EPHA6: variants seen among roughly 807,000 people sequenced by gnomAD.
EPHA6 encodes the protein EPH receptor A6, also known as ephrin type-A receptor 6.
In EPHA6, 50 loss-of-function variants were observed where a neutral mutation model predicts 112.0. The ratio of observed to expected loss-of-function variants is 0.45; its 90% confidence interval spans 0.36 to 0.56. EPHA6 has a LOEUF of 0.56. Among genes scored for constraint, EPHA6 ranks in the 20% least tolerant of loss-of-function variants. The pLI, the probability that EPHA6 is intolerant of heterozygous loss-of-function variation, is 0.00. For synonymous variants in EPHA6, 529 were observed against 490.7 expected, an observed-to-expected ratio of 1.08 and a Z score of -1.03; for missense variants, 1,280 against 1,417.4, an observed-to-expected ratio of 0.90 and a Z score of 1.56.
At chr3:97,611,570 G>T (rs948948835) in intron 13 of EPHA6, among the ~76,000 whole-genome samples, 7 of 151,556 alleles carry the variant, frequency 4.6e-5, no homozygotes, top group African/African-American at 1.7e-4. Flanking sequence ...CATTGATAGT[G>T]AAAAAAGTGA....
At chr3:97,515,492 G>T (rs1406517670) in intron 10 of EPHA6, among the ~76,000 whole-genome samples, 1 of 152,188 alleles carries the variant, frequency 6.6e-6, no homozygotes, top group Admixed American at 6.5e-5. Context: ...TCTGATGGAA[G>T]AAATGGAAAA....
intron 13 of EPHA6, among the ~76,000 whole-genome samples, chr3:97,618,940 A>G (rs2093789410): frequency 6.6e-6 from 1 of 152,004 alleles, no homozygotes; most frequent in Non-Finnish European, 1.5e-5. Flanking sequence ...TGATACCAAA[A>G]CCTGGCAGCA....
intron 5 of EPHA6, among the ~76,000 whole-genome samples, chr3:97,324,320 G>A (rs190263071): frequency 1.3e-5 from 2 of 151,890 alleles, no homozygotes; most frequent in Non-Finnish European, 2.9e-5. Flanking sequence ...AGTCTTTGGG[G>A]ACATATTTCT....
intron 3 of EPHA6, among the ~76,000 whole-genome samples, chr3:97,155,842 T>C (rs1379321597): frequency 1.3e-5 from 2 of 152,116 alleles, no homozygotes; most frequent in African/African-American, 2.4e-5. Context: ...AACTTGGAGT[T>C]TCTCAACTGC....
At chr3:96,889,110 T>C (rs2037805497) in intron 2 of EPHA6, among the ~76,000 whole-genome samples, 1 of 152,148 alleles carries the variant, frequency 6.6e-6, no homozygotes, top group Admixed American at 6.5e-5. Flanking sequence ...AGTTCCTCAT[T>C]TGCATCTGAG....
intron 10 of EPHA6, among the ~76,000 whole-genome samples, chr3:97,485,238 C>A (rs779683688): frequency 6.6e-6 from 1 of 152,150 alleles, no homozygotes; most frequent in Non-Finnish European, 1.5e-5. Context: ...AGTCCTTTTT[C>A]CTCCAGAAGG....
chr3:97,459,219 G>T (rs2090802675), intron 7 of EPHA6, among the ~76,000 whole-genome samples: 1 of 152,198 alleles, frequency 6.6e-6, no homozygotes, highest in Non-Finnish European at 1.5e-5. Flanking sequence ...CTGGAAGAAT[G>T]TCAGTATAGC....
chr3:97,187,177 AC>A (rs1272028561), intron 3 of EPHA6, among the ~76,000 whole-genome samples: 3 of 152,262 alleles, frequency 2.0e-5, no homozygotes, highest in Admixed American at 6.5e-5. Flanking sequence ...TTAATTCTGT[AC>A]ATACAGATTT....
At chr3:96,856,215 G>A (rs1006683571) in intron 1 of EPHA6, among the ~76,000 whole-genome samples, 7 of 151,952 alleles carry the variant, frequency 4.6e-5, no homozygotes, top group African/African-American at 1.5e-4. Context: ...ACATCAGCCT[G>A]GGTGACAGAG....
At chr3:97,321,557 C>T (rs764462498) in intron 5 of EPHA6, among the ~76,000 whole-genome samples, 1 of 151,952 alleles carries the variant, frequency 6.6e-6, no homozygotes, top group East Asian at 1.9e-4. Context: ...TTCCCCCTAC[C>T]CTTACTACCT....
chr3:97,570,903 A>C (rs998280898), intron 11 of EPHA6, among the ~76,000 whole-genome samples: 2 of 152,158 alleles, frequency 1.3e-5, no homozygotes, highest in East Asian at 3.8e-4. Flanking sequence ...ACTTCAAGGA[A>C]ATAATCCCCT....
At chr3:97,410,983 G>A (rs1173303028) in intron 6 of EPHA6, among the ~76,000 whole-genome samples, 1 of 151,800 alleles carries the variant, frequency 6.6e-6, no homozygotes, top group Non-Finnish European at 1.5e-5. Context: ...TTAATCTGAA[G>A]CAAAATGCAG....
chr3:97,614,274 C>G (rs909073196), intron 13 of EPHA6, among the ~76,000 whole-genome samples: 1 of 150,950 alleles, frequency 6.6e-6, no homozygotes, highest in Non-Finnish European at 1.5e-5. Context: ...AAATATAATA[C>G]TAAATTTACT....
chr3:96,983,594 T>G (rs964532320), intron 2 of EPHA6, among the ~76,000 whole-genome samples: 1 of 152,224 alleles, frequency 6.6e-6, no homozygotes, highest in Non-Finnish European at 1.5e-5. Context: ...ATTTGAATGT[T>G]GGCCTGCCTT....
intron 5 of EPHA6, among the ~76,000 whole-genome samples, chr3:97,381,068 A>G (rs1222386055): frequency 6.6e-6 from 1 of 152,072 alleles, no homozygotes; most frequent in South Asian, 2.1e-4. Context: ...TTAACATACC[A>G]TAGGAATTCT....
chr3:97,427,924 G>A (rs1260953363), intron 6 of EPHA6, among the ~76,000 whole-genome samples: 1 of 152,168 alleles, frequency 6.6e-6, no homozygotes, highest in Non-Finnish European at 1.5e-5. Flanking sequence ...CTTGAGGGTT[G>A]AGGGTGGGGA....
intron 1 of EPHA6, among the ~76,000 whole-genome samples, chr3:96,837,525 A>G (rs774311497): frequency 9.9e-5 from 15 of 152,264 alleles, no homozygotes; most frequent in East Asian, 3.9e-4. Context: ...TACAGGTGTC[A>G]TTTAGAGGGC....
At chr3:97,013,687 A>G (rs1475068347) in intron 3 of EPHA6, among the ~76,000 whole-genome samples, 1 of 152,190 alleles carries the variant, frequency 6.6e-6, no homozygotes, top group Non-Finnish European at 1.5e-5. Flanking sequence ...AATATGTTTA[A>G]AATGGATGTT....
At chr3:97,250,115 A>G (rs891179885) in intron 5 of EPHA6, among the ~76,000 whole-genome samples, 1 of 152,320 alleles carries the variant, frequency 6.6e-6, no homozygotes, top group Non-Finnish European at 1.5e-5. Context: ...ATTACAGGCA[A>G]TGGATATAAA....
Sources: gnomAD v4.1 joint callset for allele counts (sites outside exome capture counted in the v4.1 genomes callset) on GRCh38, gnomAD v4.1.1 for gene constraint, MANE v1.5 for transcripts, NCBI Gene and HGNC (gene_info 2026-07-23, HGNC 2026-07-21) for gene names.